ERBB4: variants seen among roughly 807,000 people sequenced by gnomAD.
The protein encoded by ERBB4 is receptor tyrosine-protein kinase erbB-4.
ERBB4 carries 42 observed loss-of-function variants against 158.0 expected under a neutral mutation model. The observed-to-expected ratio is 0.27, with a 90% CI of 0.21 to 0.34. The LOEUF is 0.34. Among genes scored for constraint, ERBB4 ranks in the 10% least tolerant of loss-of-function variants. The pLI is 1.00. For synonymous variants in ERBB4, 583 were observed against 558.7 expected, an observed-to-expected ratio of 1.04 and a Z score of -0.61; for missense variants, 1,333 against 1,624.1, an observed-to-expected ratio of 0.82 and a Z score of 3.08.
Position 212,446,577 on chromosome 2 carries a change from C to CTATATA in ERBB4, c.82+91871_82+91872insTATATA, listed in dbSNP as rs2092351589. Among the ~76,000 whole-genome samples the CTATATA allele has an allele frequency of 1.1e-3, 39 of 36,050 alleles. 5 individuals carry two copies. Among genetic ancestry groups the CTATATA allele is most frequent in the Non-Finnish European group, 2.2e-3 (35 of 16,050 alleles). 23.7% of individuals were successfully genotyped at this position (36,050 alleles called of 152,430 possible). On this transcript the variant is annotated intron_variant, in intron 1 of 27. Transcript: ENST00000342788. Reference sequence around the variant, plus strand: ...ATGTAAGTTAATACTTAATAAACTCCCATATATATATATGTATATATATAT... The same window carrying CTATATA: ...ATGTAAGTTAATACTTAATAAACTCCTATATACATATATATATATGTATATATATAT...
chr2:212,256,762 C>T (rs1432360772), intron 1 of ERBB4, among the ~76,000 whole-genome samples: 1 of 152,070 alleles, frequency 6.6e-6, no homozygotes, highest in Non-Finnish European at 1.5e-5. Flanking sequence ...AAAACCTACA[C>T]ATTTTTCTCA....
At chr2:211,684,789 G>C (rs1310751547) in intron 12 of ERBB4, among the ~76,000 whole-genome samples, 1 of 152,178 alleles carries the variant, frequency 6.6e-6, no homozygotes, top group African/African-American at 2.4e-5. Context: ...ACTCACCAAA[G>C]AATGGAGTTT....
In ERBB4 at chr2:211,900,891, T is replaced by G. The variant is rs185625772; in HGVS notation, c.421+46539A>C. Among the ~76,000 whole-genome samples the G allele has an allele frequency of 3.3e-3, 501 of 152,298 alleles. 1 individual carries two copies. The highest frequency in any genetic ancestry group is 6.8e-3 in the Middle Eastern group (2 of 294). On this transcript the variant is annotated intron_variant, in intron 3 of 27. Coordinates refer to ENST00000342788, the MANE Select transcript of ERBB4 (RefSeq NM_005235.3). ...CATTTTCTATTTTCCTGAGCAATAT[T>G]TCCCAGGCTATCATCTCCTCTATTT...
At chr2:212,192,653 C>T (rs1448293683) in intron 1 of ERBB4, among the ~76,000 whole-genome samples, 2 of 152,120 alleles carry the variant, frequency 1.3e-5, no homozygotes, top group South Asian at 2.1e-4. Flanking sequence ...GGACAAAGGC[C>T]ACATCTTTTA....
chr2:212,497,189 A>AC (rs201517564), intron 1 of ERBB4, among the ~76,000 whole-genome samples: 10 of 150,868 alleles, frequency 6.6e-5, no homozygotes, highest in African/African-American at 1.7e-4. Flanking sequence ...AAAAAAAAAA[A>AC]AAAAAAAACC....
At chr2:212,516,055 G>A (rs1691822228) in intron 1 of ERBB4, among the ~76,000 whole-genome samples, 1 of 151,766 alleles carries the variant, frequency 6.6e-6, no homozygotes, top group Admixed American at 6.6e-5. Flanking sequence ...TTAAAATTTG[G>A]GGTATAAAAT....
At chr2:212,483,494 C>T (rs1456919004) in intron 1 of ERBB4, among the ~76,000 whole-genome samples, 2 of 152,264 alleles carry the variant, frequency 1.3e-5, no homozygotes, top group South Asian at 2.1e-4. Flanking sequence ...AAATTTCTTA[C>T]GTATTTGTAC....
intron 3 of ERBB4, among the ~76,000 whole-genome samples, chr2:211,817,274 T>C (rs1028696756): frequency 6.6e-6 from 1 of 152,196 alleles, no homozygotes; most frequent in Non-Finnish European, 1.5e-5. Flanking sequence ...CTTATAGATT[T>C]AGGCAAGTCC....
chr2:212,288,902 A>G (rs2106173555), intron 1 of ERBB4, among the ~76,000 whole-genome samples: 2 of 152,190 alleles, frequency 1.3e-5, no homozygotes, highest in African/African-American at 4.8e-5. Context: ...ACATTTTTCT[A>G]GATGCAGATG....
At chr2:211,806,035 TAGA>T (rs1427691254) in intron 3 of ERBB4, among the ~76,000 whole-genome samples, 1 of 151,788 alleles carries the variant, frequency 6.6e-6, no homozygotes, top group East Asian at 1.9e-4. Context: ...AAAGAACATA[TAGA>T]AGAATACATT....
chr2:212,169,726 G>A (rs922827243), intron 1 of ERBB4, among the ~76,000 whole-genome samples: 9 of 152,114 alleles, frequency 5.9e-5, no homozygotes, highest in East Asian at 1.9e-4. Flanking sequence ...GGATCATGGC[G>A]GTGATTTTCC....
chr2:211,935,871 T>C (rs1166846116), intron 3 of ERBB4, among the ~76,000 whole-genome samples: 1 of 152,160 alleles, frequency 6.6e-6, no homozygotes, highest in African/African-American at 2.4e-5. Context: ...CACTTCTACA[T>C]AGTAAATACT....
At chr2:211,442,198 G>A (rs2063994037) in intron 20 of ERBB4, among the ~76,000 whole-genome samples, 1 of 151,754 alleles carries the variant, frequency 6.6e-6, no homozygotes, top group African/African-American at 2.4e-5. Flanking sequence ...CCTTTATCTG[G>A]AACACCCCCT....
chr2:211,972,254 T>G (rs1409794692), intron 2 of ERBB4, among the ~76,000 whole-genome samples: 1 of 152,040 alleles, frequency 6.6e-6, no homozygotes, highest in Non-Finnish European at 1.5e-5. Context: ...AAGTCAGAGA[T>G]GACACAAACA....
At chr2:212,076,285 T>G (rs963150716) in intron 2 of ERBB4, among the ~76,000 whole-genome samples, 1 of 151,930 alleles carries the variant, frequency 6.6e-6, no homozygotes, top group African/African-American at 2.4e-5. Context: ...ATTTGTTATT[T>G]ATTTGACAAT....
At chr2:212,536,377 A>AT (rs1693063462) in intron 1 of ERBB4, among the ~76,000 whole-genome samples, 1 of 152,196 alleles carries the variant, frequency 6.6e-6, no homozygotes, top group African/African-American at 2.4e-5. Flanking sequence ...TCACCTTAGT[A>AT]TGCGTGTTGC....
chr2:211,390,154 C>T (rs1189579696), intron 25 of ERBB4, among the ~76,000 whole-genome samples: 1 of 152,120 alleles, frequency 6.6e-6, no homozygotes, highest in East Asian at 1.9e-4. Context: ...ACTGGCCTTA[C>T]CCTCATCATT....
intron 1 of ERBB4, among the ~76,000 whole-genome samples, chr2:212,498,995 A>T (rs1295435508): frequency 6.6e-6 from 1 of 152,062 alleles, no homozygotes; most frequent in African/African-American, 2.4e-5. Context: ...GGTCATGGCA[A>T]CAATATTTTA....
chr2:211,878,065 G>A (rs140949450), intron 3 of ERBB4, among the ~76,000 whole-genome samples: 2,372 of 152,270 alleles, frequency 0.016, 37 homozygotes, highest in African/African-American at 0.042. Flanking sequence ...CCTAGATCAC[G>A]CCACTGCCCT....
Sources: gnomAD v4.1 joint callset for allele counts (sites outside exome capture counted in the v4.1 genomes callset) on GRCh38, gnomAD v4.1.1 for gene constraint, MANE v1.5 for transcripts, NCBI Gene and HGNC (gene_info 2026-07-23, HGNC 2026-07-21) for gene names.